CEP41: variants seen among roughly 807,000 people sequenced by gnomAD.
The protein encoded by CEP41 is centrosomal protein 41, also known as centrosomal protein of 41 kDa.
A neutral mutation model predicts 44.3 loss-of-function variants in CEP41; 32 were observed. The observed-to-expected ratio is 0.72, with a 90% CI of 0.54 to 0.97. The LOEUF (loss-of-function observed/expected upper bound fraction) is 0.97, where lower values mean the gene tolerates loss of function less well. CEP41 is among the 50% of genes least tolerant of loss of function. CEP41 has a pLI of 0.00. For missense variants in CEP41, 432 were observed against 455.2 expected, an observed-to-expected ratio of 0.95 and a Z score of 0.46; for synonymous variants, 151 against 168.5, an observed-to-expected ratio of 0.90 and a Z score of 0.80.
At position 130,396,347 on chromosome 7, in the gene CEP41, T is replaced by C. The variant is rs1554414527; in HGVS notation, c.*2544A>G. Reference sequence around the variant, plus strand: ...AGCAGGAAAAGAAATCCAGGCTTTCTGACTGGAGAGCTGAGGCCCCCTGCC... The same window carrying C: ...AGCAGGAAAAGAAATCCAGGCTTTCCGACTGGAGAGCTGAGGCCCCCTGCC... On this transcript the variant is annotated 3_prime_UTR_variant, in exon 11 of 11. Transcript: ENST00000223208. 1 of 454,120 alleles carries C rather than the reference T, an allele frequency of 2.2e-6. No homozygotes were observed. Among genetic ancestry groups the C allele is most frequent in the South Asian group, 1.6e-5 (1 of 64,478 alleles). 28.1% of individuals were successfully genotyped at this position (454,120 alleles called of 1,614,324 possible).
chr7:130,400,754 G>A lies in CEP41; in HGVS notation c.710C>T (p.Thr237Ile). The A allele has an allele frequency of 6.2e-7, 1 of 1,613,846 alleles. No individual in the cohort carries two copies. ...TTCAAATCCACGCTCGCACATGGTGGTGGCCGCCTGACTGGCCAGCCTTTC... is the reference window on the plus strand; with the variant it reads ...TTCAAATCCACGCTCGCACATGGTGATGGCCGCCTGACTGGCCAGCCTTTC... ...DDERLASQAA[T>I]TMCERGFENL... Residue 237 changes from threonine (T) to isoleucine (I), a missense_variant, in exon 9 of 11, where the codon ACC (threonine) becomes ATC (isoleucine). By Grantham distance (89) the Thr-to-Ile change is moderately conservative. Coordinates refer to ENST00000223208, the MANE Select transcript of CEP41 (RefSeq NM_018718.3).
In CEP41 at chr7:130,395,700, T is replaced by C. The variant is rs1554414202; in HGVS notation, c.*3191A>G. The stretch of plus-strand genomic sequence containing the variant: ...CACAAGGGAATTAGAGAAAACACGA[T>C]TTTTTGTTTTGTTCTGTTTTCTTGG... On this transcript the variant is annotated 3_prime_UTR_variant, in exon 11 of 11. Transcript: ENST00000223208. 4.4e-6 allele frequency: 2 copies of C among 453,750 alleles called. No homozygotes were observed. The highest frequency in any genetic ancestry group is 1.6e-5 in the South Asian group (1 of 64,364). The allele number at this position is 453,750 out of a possible 1,614,324, so 28.1% of individuals were successfully genotyped here.
rs1796699150 is a variant in CEP41 at position 130,397,485 on chromosome 7, A to G, written c.*1406T>C. On this transcript the variant is annotated 3_prime_UTR_variant, in exon 11 of 11. Transcript: ENST00000223208. Reference sequence around the variant, plus strand: ...TATTTCTCATACAAACACAGCCCCCATGCTAGAAATACTGTGGTGCATTTT... The same window carrying G: ...TATTTCTCATACAAACACAGCCCCCGTGCTAGAAATACTGTGGTGCATTTT... 1 of 423,266 alleles carries G rather than the reference A, an allele frequency of 2.4e-6. No individual in the cohort carries two copies. Among genetic ancestry groups the G allele is most frequent in the Non-Finnish European group, 4.6e-6 (1 of 218,660 alleles). The allele number at this position is 423,266 out of a possible 1,614,324, so 26.2% of individuals were successfully genotyped here.
intron 2 of CEP41, chr7:130,422,016 C>A (rs1242583717): frequency 3.9e-6 from 6 of 1,535,538 alleles, no homozygotes; most frequent in Non-Finnish European, 5.2e-6. Context: ...ACCTATGGAA[C>A]AAAAGAAATA....
At chr7:130,439,015 T>G (rs561365416) in intron 1 of CEP41, among the ~76,000 whole-genome samples, 2 of 152,166 alleles carry the variant, frequency 1.3e-5, no homozygotes, top group East Asian at 3.9e-4. Flanking sequence ...TACAATATAG[T>G]TGAACTTTGG....
At chr7:130,413,090 C>T (rs553091541) in intron 3 of CEP41, among the ~76,000 whole-genome samples, 3 of 152,120 alleles carry the variant, frequency 2.0e-5, no homozygotes, top group Admixed American at 1.3e-4. Context: ...CTCTCAGGTT[C>T]GAGGGATTCT....
At chr7:130,415,605 GTT>G (rs1797312471) in intron 3 of CEP41, among the ~76,000 whole-genome samples, 1 of 152,206 alleles carries the variant, frequency 6.6e-6, no homozygotes, top group African/African-American at 2.4e-5. Flanking sequence ...TTGAAGAAAT[GTT>G]TTAAGTGAGG....
intron 5 of CEP41, 54 bp downstream of exon 5, chr7:130,411,068 G>A: frequency 6.8e-7 from 1 of 1,461,938 alleles, no homozygotes. Flanking sequence ...CAGGGTGAGT[G>A]TTTCAGTCAA....
Position 130,395,350 on chromosome 7 carries a change from C to T in CEP41, c.*3541G>A, listed in dbSNP as rs376434190. 1.2e-3 allele frequency: 524 copies of T among 436,954 alleles called. 3 individuals are homozygous for T. Among genetic ancestry groups the T allele is most frequent in the South Asian group, 2.0e-3 (127 of 64,006 alleles). The allele number at this position is 436,954 out of a possible 1,614,324, so 27.1% of individuals were successfully genotyped here. On this transcript the variant is annotated 3_prime_UTR_variant, in exon 11 of 11. Transcript: ENST00000223208. ...TGGTGAATTATATTCCACACATTTG[C>T]GGTGTTTCCTGGGGAAAAAAAAGTA...
chr7:130,419,020 C>T (rs1554421517), intron 2 of CEP41: 2 of 984,018 alleles, frequency 2.0e-6, no homozygotes, highest in Non-Finnish European at 1.2e-6. Flanking sequence ...AAAGTGTCTA[C>T]ACTTCATTTC....
At chr7:130,401,809 G>C in intron 8 of CEP41, 72 bp downstream of exon 8, 1 of 988,416 alleles carries the variant, frequency 1.0e-6, no homozygotes, top group Non-Finnish European at 1.6e-6. Context: ...CTTACCAGGA[G>C]CGTGGTTCAT....
At chr7:130,436,040 G>A (rs934248449) in intron 1 of CEP41, among the ~76,000 whole-genome samples, 20 of 152,292 alleles carry the variant, frequency 1.3e-4, no homozygotes, top group African/African-American at 4.3e-4. Flanking sequence ...TGTAATCCCA[G>A]CTACTCAGGA....
rs1796750295 is a variant in CEP41, at chr7:130,398,783, G to C, written c.*108C>G. 2 of 1,318,568 alleles carry C rather than the reference G, an allele frequency of 1.5e-6. No individual in the cohort carries two copies. Among genetic ancestry groups the C allele is most frequent in the Non-Finnish European group, 2.2e-6 (2 of 918,346 alleles). 81.7% of individuals were successfully genotyped at this position (1,318,568 alleles called of 1,614,324 possible). ...GGGAAGAGGCCTATCCCATACATAT[G>C]TCATGGTCTTTCCTCTGCAGAAGTT... On this transcript the variant is annotated 3_prime_UTR_variant, in exon 11 of 11. Coordinates refer to ENST00000223208, the MANE Select transcript of CEP41 (RefSeq NM_018718.3).
chr7:130,424,732 T>C (rs1395614256), intron 2 of CEP41, among the ~76,000 whole-genome samples: 1 of 152,036 alleles, frequency 6.6e-6, no homozygotes, highest in Non-Finnish European at 1.5e-5. Flanking sequence ...TGAACTTATA[T>C]ATAAAACTTT....
intron 1 of CEP41, among the ~76,000 whole-genome samples, chr7:130,435,908 A>G (rs1797947056): frequency 6.6e-6 from 1 of 152,208 alleles, no homozygotes; most frequent in African/African-American, 2.4e-5. Flanking sequence ...TAATCCCAGC[A>G]CTTTGGGAGG....
At chr7:130,432,365 T>C (rs1430610275) in intron 1 of CEP41, among the ~76,000 whole-genome samples, 2 of 152,062 alleles carry the variant, frequency 1.3e-5, no homozygotes, top group East Asian at 1.9e-4. Context: ...AGTGATACCA[T>C]TCTCCAAAAA....
At chr7:130,413,296 A>G (rs1554420217) in intron 3 of CEP41, among the ~76,000 whole-genome samples, 1 of 152,162 alleles carries the variant, frequency 6.6e-6, no homozygotes, top group East Asian at 1.9e-4. Flanking sequence ...CGGCCCCACC[A>G]TTTAAAAAAA....
intron 7 of CEP41, 52 bp downstream of exon 7, chr7:130,402,596 G>A: frequency 6.3e-7 from 1 of 1,593,430 alleles, no homozygotes; most frequent in South Asian, 1.1e-5. Flanking sequence ...AGACTCAAGA[G>A]CAGGCTCTCT....
At chr7:130,411,579 G>A (rs1554419749) in intron 4 of CEP41, among the ~76,000 whole-genome samples, 1 of 152,136 alleles carries the variant, frequency 6.6e-6, no homozygotes, top group South Asian at 2.1e-4. Flanking sequence ...ACGCAATGAA[G>A]AAGTAAATGT....
Sources: gnomAD v4.1 joint callset for allele counts (sites outside exome capture counted in the v4.1 genomes callset) on GRCh38, gnomAD v4.1.1 for gene constraint, MANE v1.5 for transcripts, NCBI Gene and HGNC (gene_info 2026-07-23, HGNC 2026-07-21) for gene names.